HHAT: variants seen among roughly 807,000 people sequenced by gnomAD.
The protein encoded by HHAT is hedgehog acyltransferase.
A neutral mutation model predicts 70.8 loss-of-function variants in HHAT; 47 were observed. That is an observed-to-expected ratio of 0.66 (90% CI 0.53 to 0.85). The LOEUF (loss-of-function observed/expected upper bound fraction) is 0.85. Ranked by LOEUF, HHAT falls within the 40% of genes least tolerant of loss-of-function variation. The pLI, the probability that HHAT is intolerant of heterozygous loss-of-function variation, is 0.00. For synonymous variants in HHAT, 228 were observed against 247.6 expected, an observed-to-expected ratio of 0.92 and a Z score of 0.74; for missense variants, 609 against 604.8, an observed-to-expected ratio of 1.01 and a Z score of -0.07.
chr1:210,368,243 A>T (rs2089204259), intron 3 of HHAT, among the ~76,000 whole-genome samples: 1 of 152,172 alleles, frequency 6.6e-6, no homozygotes, highest in South Asian at 2.1e-4. Context: ...ACAGGTTTGG[A>T]GTTGGATGGG....
At chr1:210,490,156 T>A (rs901781333) in intron 8 of HHAT, among the ~76,000 whole-genome samples, 1 of 152,234 alleles carries the variant, frequency 6.6e-6, no homozygotes, top group African/African-American at 2.4e-5. Flanking sequence ...TGCTCCCTGA[T>A]GTCTGATGAA....
At chr1:210,634,772 T>A (rs1173816878) in intron 11 of HHAT, among the ~76,000 whole-genome samples, 2 of 152,228 alleles carry the variant, frequency 1.3e-5, no homozygotes, top group African/African-American at 4.8e-5. Context: ...TTAAGATTGC[T>A]GGAGGGTTGG....
intron 3 of HHAT, among the ~76,000 whole-genome samples, chr1:210,377,303 C>T (rs187920127): frequency 2.9e-4 from 44 of 152,216 alleles, no homozygotes; most frequent in Admixed American, 8.5e-4. Context: ...TGTTTATCAC[C>T]TTTTTTCATT....
chr1:210,613,759 T>G (rs1010378358), intron 10 of HHAT, among the ~76,000 whole-genome samples: 9 of 152,332 alleles, frequency 5.9e-5, no homozygotes, highest in African/African-American at 2.2e-4. Context: ...GGCTCATGCC[T>G]ATAATTCCAG....
At chr1:210,555,471 C>T (rs1337814849) in intron 9 of HHAT, among the ~76,000 whole-genome samples, 1 of 152,190 alleles carries the variant, frequency 6.6e-6, no homozygotes, top group Non-Finnish European at 1.5e-5. Flanking sequence ...GAATTGGGCC[C>T]TAGTCCTGTT....
intron 7 of HHAT, among the ~76,000 whole-genome samples, chr1:210,460,877 T>C (rs1204158202): frequency 6.6e-6 from 1 of 152,196 alleles, no homozygotes; most frequent in Admixed American, 6.5e-5. Context: ...TCATAGGACA[T>C]AACTGGTGAT....
intron 11 of HHAT, among the ~76,000 whole-genome samples, chr1:210,659,600 C>T (rs11119562): frequency 6.6e-6 from 1 of 151,962 alleles, no homozygotes; most frequent in Non-Finnish European, 1.5e-5. Context: ...TCAAAGCCTG[C>T]CAGAGACACA....
At chr1:210,625,968 C>A (rs924113045) in intron 11 of HHAT, among the ~76,000 whole-genome samples, 1 of 152,170 alleles carries the variant, frequency 6.6e-6, no homozygotes, top group Non-Finnish European at 1.5e-5. Context: ...TATCAGTGTG[C>A]ACCAGCTGTC....
rs1329085338 is a variant in HHAT, at chr1:210,430,934, G to GTAAATATGTTTCAAACATAAGATAA, written c.856+12609_856+12610insTAAATATGTTTCAAACATAAGATAA. Among the ~76,000 whole-genome samples, 19 of 151,862 alleles carry GTAAATATGTTTCAAACATAAGATAA rather than the reference G, an allele frequency of 1.3e-4. No individual in the cohort carries two copies. In the East Asian group the frequency reaches 3.7e-3, roughly 29 times the overall value. ...CAAGTTTACTTATGTTTTCAAACAT[G>GTAAATATGTTTCAAACATAAGATAA]ATAAACATATTTATCTTACATTCTA... On this transcript the variant is annotated intron_variant, in intron 7 of 11. Coordinates refer to ENST00000261458, the MANE Select transcript of HHAT (RefSeq NM_018194.6).
At chr1:210,640,657 C>T (rs867549354) in intron 11 of HHAT, among the ~76,000 whole-genome samples, 5 of 151,038 alleles carry the variant, frequency 3.3e-5, no homozygotes, top group African/African-American at 1.2e-4. Context: ...GTGTAACCCC[C>T]GCACTCCGCC....
At chr1:210,420,675 CAAA>C (rs35291878) in intron 7 of HHAT, among the ~76,000 whole-genome samples, 2 of 143,168 alleles carry the variant, frequency 1.4e-5, no homozygotes, top group East Asian at 2.1e-4. Flanking sequence ...TTTAAAAAAA[CAAA>C]AAAAAAAACA....
intron 7 of HHAT, among the ~76,000 whole-genome samples, chr1:210,435,434 G>A (rs1572417771): frequency 6.6e-6 from 1 of 151,882 alleles, no homozygotes; most frequent in East Asian, 1.9e-4. Flanking sequence ...TAAACATGGG[G>A]AGTACAGATA....
At chr1:210,590,781 A>C (rs1214912437) in intron 10 of HHAT, among the ~76,000 whole-genome samples, 1 of 152,106 alleles carries the variant, frequency 6.6e-6, no homozygotes, top group Non-Finnish European at 1.5e-5. Context: ...ACTTAAGTGA[A>C]TATTTGGGCC....
chr1:210,656,976 T>C (rs4472816), intron 11 of HHAT, among the ~76,000 whole-genome samples: 42,534 of 152,196 alleles, frequency 0.28, 6,521 homozygotes, highest in East Asian at 0.39. Context: ...CCCACACCCC[T>C]TCTTGTACAG....
At chr1:210,515,969 A>C (rs6540601) in intron 9 of HHAT, among the ~76,000 whole-genome samples, 97,964 of 151,652 alleles carry the variant, frequency 0.65, 31,695 homozygotes, top group South Asian at 0.7. Flanking sequence ...ACTTGGGTGG[A>C]TGAGGCATGA....
chr1:210,540,444 TACACACACACAC>T (rs5780588), intron 9 of HHAT, among the ~76,000 whole-genome samples: 24 of 148,376 alleles, frequency 1.6e-4, no homozygotes, highest in African/African-American at 1.7e-4. Context: ...TTTTCCCTCT[TACACACACACAC>T]ACACACACAC....
chr1:210,598,900 A>C (rs4240838), intron 10 of HHAT, among the ~76,000 whole-genome samples: 148,522 of 152,270 alleles, frequency 0.98, 72,537 homozygotes, highest in East Asian at 1. Context: ...ATTTGGCCAT[A>C]TTGCTTCACC....
intron 3 of HHAT, among the ~76,000 whole-genome samples, chr1:210,369,287 C>A (rs983144313): frequency 1.3e-5 from 2 of 152,172 alleles, no homozygotes; most frequent in African/African-American, 4.8e-5. Flanking sequence ...GAAATTGGGG[C>A]AGACCTCTAA....
intron 9 of HHAT, among the ~76,000 whole-genome samples, chr1:210,574,056 G>A (rs546266818): frequency 1.3e-5 from 2 of 152,310 alleles, no homozygotes; most frequent in Admixed American, 1.3e-4. Flanking sequence ...TGCAGATATT[G>A]ATGTAAGGTG....
Sources: allele counts gnomAD v4.1 joint callset (sites outside exome capture counted in the v4.1 genomes callset), GRCh38; gene constraint gnomAD v4.1.1; transcripts MANE v1.5; gene names NCBI Gene and HGNC (gene_info 2026-07-23, HGNC 2026-07-21).